Variants in ABLIM1 observed in about 807,000 individuals in gnomAD.
ABLIM1 encodes actin-binding LIM protein 1.
ABLIM1 carries 40 observed loss-of-function variants against 107.0 expected under a neutral mutation model. That is an observed-to-expected ratio of 0.37 (90% CI 0.29 to 0.49). The LOEUF is 0.49. ABLIM1 is among the 20% of genes least tolerant of loss of function. The pLI, the probability that ABLIM1 is intolerant of heterozygous loss-of-function variation, is 0.97. For synonymous variants in ABLIM1, 357 were observed against 357.3 expected (o/e 1.00, Z 0.01); for missense variants, 857 against 1,008.5 (o/e 0.85, Z 2.04).
intron 2 of ABLIM1, among the ~76,000 whole-genome samples, chr10:114,578,396 A>C (rs190740575): frequency 1.2e-3 from 176 of 149,388 alleles, no homozygotes; most frequent in Middle Eastern, 3.5e-3. Context: ...CATCAACATC[A>C]ACATTTTCTG....
chr10:114,571,097 T>C (rs1287136503), intron 4 of ABLIM1, among the ~76,000 whole-genome samples, 200 bp downstream of exon 4: 1 of 152,244 alleles, frequency 6.6e-6, no homozygotes, highest in East Asian at 1.9e-4. Context: ...TTGATTTGCA[T>C]TTCCCTGATG....
intron 1 of ABLIM1, among the ~76,000 whole-genome samples, chr10:114,763,752 C>T (rs539138300): frequency 9.9e-5 from 15 of 152,254 alleles, no homozygotes; most frequent in Admixed American, 3.9e-4. Flanking sequence ...GATCCAGACC[C>T]GGCATTAGAG....
At chr10:114,746,571 T>C (rs1354239634) in intron 1 of ABLIM1, among the ~76,000 whole-genome samples, 1 of 152,234 alleles carries the variant, frequency 6.6e-6, no homozygotes, top group Non-Finnish European at 1.5e-5. Context: ...TTCTTTGACA[T>C]AGCGATTTCA....
At chr10:114,583,468 CATATATATATATATATATATATATATAT>C (rs140129654) in intron 2 of ABLIM1, among the ~76,000 whole-genome samples, 3 of 15,112 alleles carry the variant, frequency 2.0e-4, no homozygotes, top group Admixed American at 8.4e-4. Flanking sequence ...CACACACACA[CATATATATATATATATATATATATATAT>C]ATATATATAT....
At chr10:114,589,722 T>C (rs916343365) in intron 2 of ABLIM1, among the ~76,000 whole-genome samples, 2 of 152,174 alleles carry the variant, frequency 1.3e-5, no homozygotes, top group African/African-American at 4.8e-5. Flanking sequence ...CTTTTTTCTT[T>C]TTTTAGAGTT....
At chr10:114,609,016 A>T (rs1566088255) in intron 1 of ABLIM1, among the ~76,000 whole-genome samples, 1 of 152,134 alleles carries the variant, frequency 6.6e-6, no homozygotes, top group East Asian at 1.9e-4. Flanking sequence ...CAAAAAAAAA[A>T]AAAAGTTCCA....
At chr10:114,761,074 A>C (rs1027804500) in intron 1 of ABLIM1, among the ~76,000 whole-genome samples, 1 of 151,996 alleles carries the variant, frequency 6.6e-6, no homozygotes, top group Non-Finnish European at 1.5e-5. Context: ...CCAAATAAGA[A>C]CTCTTAGTGC....
intron 1 of ABLIM1, among the ~76,000 whole-genome samples, chr10:114,627,299 A>G (rs946157445): frequency 2.0e-5 from 3 of 152,188 alleles, no homozygotes; most frequent in Non-Finnish European, 2.9e-5. Context: ...GCCTCAGTTT[A>G]AGAGCTGCCT....
In ABLIM1 at chr10:114,752,336, G is replaced by T. The variant is rs75964158; in HGVS notation, c.-213+15725C>A. ...CTTGTCCAACTCTTTCCACTAGAAC[G>T]TACTGTCCCCTGTTGAGTATGTGCC... is the stretch of plus-strand genomic sequence containing the variant. On this transcript the variant is annotated intron_variant, in intron 1 of 15. Transcript: ENST00000651092. 2.2e-3 allele frequency among the ~76,000 whole-genome samples: 341 copies of T among 152,248 alleles called. 1 individual carries two copies. Among genetic ancestry groups the T allele is most frequent in the Admixed American group, 4.6e-3 (71 of 15,286 alleles).
chr10:114,789,472 T>A, the ABLIM1 span, among the ~76,000 whole-genome samples: 3 of 152,174 alleles, frequency 2.0e-5, no homozygotes, highest in Non-Finnish European at 4.4e-5. Flanking sequence ...TTATAACTTT[T>A]ACTTTAGACT....
At chr10:114,512,925 A>C (rs540320079) in intron 6 of ABLIM1, among the ~76,000 whole-genome samples, 3 of 150,932 alleles carry the variant, frequency 2.0e-5, no homozygotes, top group Admixed American at 1.3e-4. Context: ...AGAGAGAAAG[A>C]AAGAGAGAAA....
chr10:114,654,028 T>C (rs1370355517), intron 1 of ABLIM1, among the ~76,000 whole-genome samples: 1 of 152,250 alleles, frequency 6.6e-6, no homozygotes, highest in Non-Finnish European at 1.5e-5. Context: ...GTGAGATCTT[T>C]CTGGCAGCTG....
intron 1 of ABLIM1, among the ~76,000 whole-genome samples, chr10:114,747,030 A>C (rs1438253154): frequency 4.6e-5 from 7 of 152,182 alleles, no homozygotes. Flanking sequence ...TTTCTCCCAA[A>C]CCATAGATTG....
intron 1 of ABLIM1, among the ~76,000 whole-genome samples, chr10:114,739,552 G>C (rs891871749): frequency 6.6e-6 from 1 of 152,102 alleles, no homozygotes; most frequent in Non-Finnish European, 1.5e-5. Context: ...CTGGTATGTA[G>C]AACCATTGAG....
rs951260514 is a variant in ABLIM1, at chr10:114,431,751, C to T, written c.*4509G>A. On this transcript the variant is annotated 3_prime_UTR_variant, in exon 23 of 23. Transcript: ENST00000533213. ...TGGGAATAATTTTATTGAATAACAA[C>T]CACCACTCAATTACACTAAGCTTCA... 6.6e-5 allele frequency: 10 copies of T among 152,206 alleles called. No homozygotes were observed. The highest frequency in any genetic ancestry group is 1.5e-4 in the Non-Finnish European group (10 of 68,034). 9.4% of individuals were successfully genotyped at this position (152,206 alleles called of 1,614,324 possible).
At chr10:114,450,491 A>G (rs2061703686) in intron 14 of ABLIM1, among the ~76,000 whole-genome samples, 1 of 130,598 alleles carries the variant, frequency 7.7e-6, no homozygotes, top group Non-Finnish European at 1.5e-5. Flanking sequence ...GCTGGAGTGC[A>G]GTGGTGTGAT....
At chr10:114,654,331 TAG>T (rs1566184109) in intron 1 of ABLIM1, among the ~76,000 whole-genome samples, 1 of 152,246 alleles carries the variant, frequency 6.6e-6, no homozygotes, top group African/African-American at 2.4e-5. Flanking sequence ...TCAGCCTCCA[TAG>T]AGACTGTCAA....
intron 4 of ABLIM1, among the ~76,000 whole-genome samples, chr10:114,548,717 G>T (rs2067668744): frequency 6.6e-6 from 1 of 152,184 alleles, no homozygotes; most frequent in South Asian, 2.1e-4. Flanking sequence ...AACCTTTCTG[G>T]AAAGCAACTT....
At chr10:114,526,749 A>G in intron 6 of ABLIM1, 1 of 985,494 alleles carries the variant, frequency 1.0e-6, no homozygotes. Flanking sequence ...AACACGGCCA[A>G]GAGGCTTTGT....
Sources: gnomAD v4.1 joint callset for allele counts (sites outside exome capture counted in the v4.1 genomes callset) on GRCh38, gnomAD v4.1.1 for gene constraint, MANE v1.5 for transcripts, NCBI Gene and HGNC (gene_info 2026-07-23, HGNC 2026-07-21) for gene names.